PCGF3: variants seen among roughly 807,000 people sequenced by gnomAD.
PCGF3 encodes polycomb group ring finger 3.
PCGF3 carries 7 observed loss-of-function variants against 33.1 expected under a neutral mutation model. That is an observed-to-expected ratio of 0.21 (90% CI 0.12 to 0.40). The LOEUF (loss-of-function observed/expected upper bound fraction) is 0.40. Ranked by LOEUF, PCGF3 falls within the 10% of genes least tolerant of loss-of-function variation. PCGF3 has a pLI of 1.00. For missense variants in PCGF3, 211 were observed against 313.3 expected, an observed-to-expected ratio of 0.67 and a Z score of 2.46; for synonymous variants, 153 against 121.3, an observed-to-expected ratio of 1.26 and a Z score of -1.72.
chr4:727,321 A>C (rs1743375303), intron 1 of PCGF3, among the ~76,000 whole-genome samples: 1 of 139,486 alleles, frequency 7.2e-6, no homozygotes, highest in African/African-American at 2.7e-5. Context: ...GCTCACTGCA[A>C]CCTCCGCCTC....
exon 11 of PCGF3, chr4:767,455 G>A (rs900903983): frequency 6.6e-6 from 1 of 152,108 alleles, no homozygotes. Flanking sequence ...TTTATTTCCT[G>A]TGGAACTGAA....
chr4:757,720 T>C (rs1408031684), intron 8 of PCGF3: 2 of 152,250 alleles, frequency 1.3e-5, no homozygotes, highest in Non-Finnish European at 2.9e-5. Context: ...TTTGCTCTTT[T>C]CGTCAGTTTT....
intron 8 of PCGF3, among the ~76,000 whole-genome samples, chr4:754,230 A>G (rs747493828): frequency 1.4e-4 from 22 of 152,120 alleles, no homozygotes; most frequent in Non-Finnish European, 2.6e-4. Flanking sequence ...CGCCCTCCAG[A>G]GGCTCCAATG....
intron 9 of PCGF3, chr4:761,676 A>G (rs145471073): frequency 1.0e-6 from 1 of 985,246 alleles, no homozygotes; most frequent in Non-Finnish European, 1.2e-6. Flanking sequence ...ACTGTTTTAA[A>G]ATAGGATAAA....
intron 1 of PCGF3, among the ~76,000 whole-genome samples, chr4:728,049 A>C (rs1423298600): frequency 6.6e-6 from 1 of 152,160 alleles, no homozygotes; most frequent in African/African-American, 2.4e-5. Context: ...ATGCTGGTGA[A>C]TTACTGTTCT....
intron 1 of PCGF3, among the ~76,000 whole-genome samples, chr4:709,767 A>C (rs1742486750): frequency 1.3e-5 from 2 of 152,212 alleles, no homozygotes; most frequent in South Asian, 2.1e-4. Flanking sequence ...CTTAGGAGAA[A>C]ACCGTGTTAG....
chr4:713,811 G>C (rs73221106), intron 1 of PCGF3, among the ~76,000 whole-genome samples: 14 of 152,218 alleles, frequency 9.2e-5, no homozygotes, highest in African/African-American at 3.4e-4. Context: ...TTATTTCGCA[G>C]TGTGAGCCTG....
intron 1 of PCGF3, among the ~76,000 whole-genome samples, chr4:718,085 G>C (rs573176281): frequency 2.0e-5 from 3 of 152,198 alleles, no homozygotes; most frequent in Non-Finnish European, 4.4e-5. Flanking sequence ...AGGTGGCTCA[G>C]AGGTGTCTGG....
At chr4:749,305 C>CA (rs760278317) in intron 8 of PCGF3, among the ~76,000 whole-genome samples, 56 of 152,046 alleles carry the variant, frequency 3.7e-4, no homozygotes, top group Non-Finnish European at 7.5e-4. Context: ...GCTGGGATTA[C>CA]AGGCATGCGC....
chr4:716,506 TGC>T (rs746267715), intron 1 of PCGF3, among the ~76,000 whole-genome samples: 37 of 120,390 alleles, frequency 3.1e-4, no homozygotes, highest in Non-Finnish European at 4.6e-4. Flanking sequence ...CTGTGGACAC[TGC>T]GAGTGTGAGA....
At chr4:767,927 G>C (rs1745451390) in exon 11 of PCGF3, 1 of 152,680 alleles carries the variant, frequency 6.5e-6, no homozygotes, top group Non-Finnish European at 1.5e-5. Flanking sequence ...AGTTTTAAGT[G>C]TAACGTTAGA....
Position 721,470 on chromosome 4 carries a change from C to T in PCGF3, c.-189-9160C>T, listed in dbSNP as rs1209149715. ...AGCCAGACGGGAAAGGGGGCTGAGG[C>T]GTCCAGGCTGCAGAGGGTGCCGGGG... On this transcript the variant is annotated intron_variant, in intron 1 of 10. Coordinates refer to ENST00000362003, the Ensembl canonical transcript of PCGF3. The surrounding 1 kb of genome is among the most constrained non-coding windows in gnomAD (Gnocchi z 4.1). Among the ~76,000 whole-genome samples the T allele has an allele frequency of 1.3e-5, 2 of 152,092 alleles. No homozygotes were observed. The highest frequency in any genetic ancestry group is 1.5e-5 in the Non-Finnish European group (1 of 68,008).
intron 1 of PCGF3, among the ~76,000 whole-genome samples, chr4:725,678 C>T (rs376917659): frequency 0.029 from 3,123 of 107,876 alleles, 7 homozygotes; most frequent in South Asian, 0.036. Context: ...GTGGGCTCTG[C>T]GCTGTGGCTG....
intron 6 of PCGF3, among the ~76,000 whole-genome samples, chr4:738,956 C>T (rs1046994704): frequency 2.6e-5 from 4 of 152,130 alleles, no homozygotes; most frequent in Non-Finnish European, 4.4e-5. Context: ...GTGACCACCA[C>T]CCCCCGCCAG....
chr4:729,764 G>C (rs1009449725), intron 1 of PCGF3, among the ~76,000 whole-genome samples: 2 of 152,230 alleles, frequency 1.3e-5, no homozygotes, highest in Non-Finnish European at 2.9e-5. Context: ...TGGGAAACCG[G>C]AAGAGTAGAA....
chr4:751,857 G>A (rs1173707189), intron 8 of PCGF3, among the ~76,000 whole-genome samples: 1 of 152,034 alleles, frequency 6.6e-6, no homozygotes, highest in Non-Finnish European at 1.5e-5. Context: ...CTTCACAGCC[G>A]ACCTCTTCTC....
chr4:726,216 T>TA lies in PCGF3; in HGVS notation c.-189-4413dup, dbSNP rs199812023. 5.4e-3 allele frequency among the ~76,000 whole-genome samples: 830 copies of TA among 152,396 alleles called. 32 individuals are homozygous for TA. Among genetic ancestry groups the TA allele is most frequent in the Admixed American group, 0.051 (774 of 15,314 alleles). ...TAATGTGCATTTCCCAGTTCACTGATACAGTTGAGCATTTAAAACATGCTT... is the reference window on the plus strand; with the variant it reads ...TAATGTGCATTTCCCAGTTCACTGATAACAGTTGAGCATTTAAAACATGCTT... On this transcript the variant is annotated intron_variant, in intron 1 of 10. Coordinates refer to ENST00000362003, the Ensembl canonical transcript of PCGF3.
intron 7 of PCGF3, 82 bp from the exon 8 acceptor site, chr4:744,518 G>C (rs998149500): frequency 9.6e-7 from 1 of 1,042,622 alleles, no homozygotes; most frequent in Non-Finnish European, 1.4e-6. Flanking sequence ...AATTTTTGAC[G>C]GCATTTGGAG....
chr4:764,744 C>T (rs930662552), intron 9 of PCGF3: 11 of 460,630 alleles, frequency 2.4e-5, no homozygotes, highest in Non-Finnish European at 4.3e-5. Context: ...ACGGGCCTGC[C>T]CTGTAATATC....
Sources: allele counts gnomAD v4.1 joint callset (sites outside exome capture counted in the v4.1 genomes callset), GRCh38; gene constraint gnomAD v4.1.1; non-coding constraint Gnocchi (gnomAD v3.1); transcripts MANE v1.5; gene names NCBI Gene and HGNC (gene_info 2026-07-23, HGNC 2026-07-21).